The following FGF14 variants were observed in gnomAD, a reference collection of about 807,000 sequenced individuals.
FGF14 encodes the protein fibroblast growth factor 14, also known as fibroblast growth factor homologous factor 4.
A neutral mutation model predicts 25.5 loss-of-function variants in FGF14; 5 were observed. That is an observed-to-expected ratio of 0.20 (90% CI 0.10 to 0.41). FGF14 has a LOEUF of 0.41. Among genes scored for constraint, FGF14 ranks in the 10% least tolerant of loss-of-function variants. The pLI is 1.00. For missense variants in FGF14, 222 were observed against 320.1 expected (o/e 0.69, Z 2.34); for synonymous variants, 138 against 118.3 (o/e 1.17, Z -1.08).
chr13:101,928,249 G>C (rs2034505866), intron 1 of FGF14, among the ~76,000 whole-genome samples: 1 of 152,186 alleles, frequency 6.6e-6, no homozygotes, highest in Non-Finnish European at 1.5e-5. Flanking sequence ...CAGGCTTTCG[G>C]CTTCATTGAT....
chr13:102,276,105 T>C (rs2053524476), intron 1 of FGF14, among the ~76,000 whole-genome samples: 1 of 151,754 alleles, frequency 6.6e-6, no homozygotes, highest in Non-Finnish European at 1.5e-5. Flanking sequence ...TTCAGCAAAT[T>C]GTTCAGTCTG....
Position 102,103,009 on chromosome 13 carries a change from G to A in FGF14, c.209-227713C>T, listed in dbSNP as rs546955050. Among the ~76,000 whole-genome samples, 27 of 152,236 alleles carry A rather than the reference G, an allele frequency of 1.8e-4. 1 individual carries two copies. In the South Asian group the frequency reaches 3.7e-3, roughly 21 times the overall value. On this transcript the variant is annotated intron_variant, in intron 1 of 4. Transcript: ENST00000376131. ...ACAAGAGAATCTGTGACATCTGCCT[G>A]GCAAAATATTATTTCTTCAAAAAGT...
At chr13:101,769,726 A>G (rs181103967) in intron 3 of FGF14, among the ~76,000 whole-genome samples, 1 of 152,178 alleles carries the variant, frequency 6.6e-6, no homozygotes. Context: ...ATACCACATG[A>G]TTCCAACTGC....
intron 1 of FGF14, among the ~76,000 whole-genome samples, chr13:102,397,377 G>A (rs1351724506): frequency 6.6e-6 from 1 of 152,196 alleles, no homozygotes; most frequent in Non-Finnish European, 1.5e-5. Flanking sequence ...AGCCCTGCAT[G>A]TTCCACCTCA....
chr13:101,803,793 G>A (rs758953979), intron 3 of FGF14, among the ~76,000 whole-genome samples: 2 of 152,156 alleles, frequency 1.3e-5, no homozygotes, highest in African/African-American at 4.8e-5. Flanking sequence ...GAGGAAGCCA[G>A]GTTTTGGGCG....
At chr13:102,041,889 T>C (rs1326990087) in intron 1 of FGF14, among the ~76,000 whole-genome samples, 1 of 152,166 alleles carries the variant, frequency 6.6e-6, no homozygotes, top group Non-Finnish European at 1.5e-5. Flanking sequence ...CAGTGAAGTC[T>C]CTAATTTCCT....
intron 1 of FGF14, among the ~76,000 whole-genome samples, chr13:102,294,828 G>A (rs150031547): frequency 6.6e-6 from 1 of 152,220 alleles, no homozygotes; most frequent in East Asian, 1.9e-4. Flanking sequence ...ATCAAAAGAC[G>A]GCTCTCTCAG....
chr13:101,853,363 A>T (rs539744756), intron 3 of FGF14, among the ~76,000 whole-genome samples: 1 of 152,222 alleles, frequency 6.6e-6, no homozygotes, highest in South Asian at 2.1e-4. Context: ...ATTACCAACA[A>T]ATTCTCTCTT....
chr13:102,125,370 A>G (rs145906878), intron 1 of FGF14, among the ~76,000 whole-genome samples: 113 of 152,312 alleles, frequency 7.4e-4, no homozygotes, highest in African/African-American at 2.6e-3. Flanking sequence ...AGTCACTCAA[A>G]ATATCTCAAC....
chr13:102,074,229 G>T (rs909775615), intron 1 of FGF14, among the ~76,000 whole-genome samples: 1 of 152,070 alleles, frequency 6.6e-6, no homozygotes, highest in Non-Finnish European at 1.5e-5. Context: ...GCCCAGGCTG[G>T]TCTCAAACTT....
intron 1 of FGF14, among the ~76,000 whole-genome samples, chr13:101,973,798 C>T (rs543006732): frequency 9.9e-5 from 15 of 152,270 alleles, no homozygotes; most frequent in African/African-American, 3.4e-4. Flanking sequence ...TTGGCAACAC[C>T]CTCACAGACA....
At chr13:102,305,714 G>T (rs2055336476) in intron 1 of FGF14, among the ~76,000 whole-genome samples, 1 of 152,104 alleles carries the variant, frequency 6.6e-6, no homozygotes, top group South Asian at 2.1e-4. Flanking sequence ...TCCTTGGAGT[G>T]ATATTACAGA....
chr13:102,107,509 G>C (rs906415915), intron 1 of FGF14, among the ~76,000 whole-genome samples: 15 of 152,082 alleles, frequency 9.9e-5, no homozygotes, highest in African/African-American at 3.4e-4. Flanking sequence ...AAAAAAAAGA[G>C]ACTGGCCCCT....
Position 101,873,801 on chromosome 13 carries a change from G to A in FGF14, c.304+1385C>T, listed in dbSNP as rs1054571051. 3.3e-5 allele frequency among the ~76,000 whole-genome samples: 5 copies of A among 152,062 alleles called. 1 individual carries two copies. The South Asian group carries it at 6.2e-4, about 19-fold the overall frequency. The stretch of plus-strand genomic sequence containing the variant: ...CAAAAGTACATGTTTGGCATAAAAC[G>A]CCTCCTCTTTCTTCTGTAGCTGAAT... On this transcript the variant is annotated intron_variant, in intron 2 of 4. Transcript: ENST00000376143.
intron 1 of FGF14, among the ~76,000 whole-genome samples, chr13:102,174,932 A>G (rs609214): frequency 6.7e-6 from 1 of 149,872 alleles, no homozygotes; most frequent in African/African-American, 2.4e-5. Context: ...AGTTGAAATT[A>G]AAAAAAAAAG....
chr13:101,891,594 G>T (rs891626025), intron 1 of FGF14, among the ~76,000 whole-genome samples: 3 of 152,024 alleles, frequency 2.0e-5, no homozygotes, highest in Non-Finnish European at 4.4e-5. Flanking sequence ...AACATTAATT[G>T]ACATCATCCT....
intron 3 of FGF14, among the ~76,000 whole-genome samples, chr13:101,847,261 T>C (rs1268001853): frequency 1.3e-5 from 2 of 151,994 alleles, no homozygotes; most frequent in East Asian, 3.9e-4. Flanking sequence ...ATGCCTGGGG[T>C]CACTGTCAGT....
At chr13:102,326,635 G>C (rs978011777) in intron 1 of FGF14, among the ~76,000 whole-genome samples, 1 of 133,222 alleles carries the variant, frequency 7.5e-6, no homozygotes, top group Non-Finnish European at 1.6e-5. Context: ...GAGGGAAAGG[G>C]AGGGAAAGGG....
intron 3 of FGF14, among the ~76,000 whole-genome samples, chr13:101,830,634 CTAATTTTTAGGAAA>C (rs1246908561): frequency 1.3e-5 from 2 of 152,152 alleles, no homozygotes; most frequent in South Asian, 4.2e-4. Context: ...ACTCATTTTC[CTAATTTTTAGGAAA>C]TTTCTAAATT....
Sources: gnomAD v4.1 joint callset for allele counts (sites outside exome capture counted in the v4.1 genomes callset) on GRCh38, gnomAD v4.1.1 for gene constraint, MANE v1.5 for transcripts, NCBI Gene and HGNC (gene_info 2026-07-23, HGNC 2026-07-21) for gene names.